LINGO2: variants seen among roughly 807,000 people sequenced by gnomAD.
The protein encoded by LINGO2 is leucine-rich repeat and immunoglobulin-like domain-containing nogo receptor-interacting protein 2.
LINGO2 carries 14 observed loss-of-function variants against 30.6 expected under a neutral mutation model. The observed-to-expected ratio is 0.46, with a 90% CI of 0.30 to 0.72. LINGO2 has a LOEUF of 0.72. Among genes scored for constraint, LINGO2 ranks in the 30% least tolerant of loss-of-function variants. The probability of loss-of-function intolerance (pLI) is 0.07; values close to 1 mark genes in which losing one functional copy is unlikely to be tolerated. For missense variants in LINGO2, 729 were observed against 751.7 expected (o/e 0.97, Z 0.35); for synonymous variants, 317 against 288.5 (o/e 1.10, Z -1.00).
chr9:28,002,644 A>G (rs767913606), intron 5 of LINGO2, among the ~76,000 whole-genome samples: 3 of 152,148 alleles, frequency 2.0e-5, no homozygotes, highest in Non-Finnish European at 2.9e-5. Context: ...AGACCCTTAA[A>G]CAAAGCCAAT....
chr9:28,036,962 G>C (rs1270010807), intron 4 of LINGO2, among the ~76,000 whole-genome samples: 1 of 152,184 alleles, frequency 6.6e-6, no homozygotes, highest in East Asian at 1.9e-4. Flanking sequence ...GGGTGTTTAA[G>C]TGAGACAAGT....
chr9:29,205,703 G>A, the LINGO2 span, among the ~76,000 whole-genome samples: 2 of 152,044 alleles, frequency 1.3e-5, no homozygotes, highest in African/African-American at 4.8e-5. Flanking sequence ...AAGATTTTTT[G>A]TTTTGTGTTT....
chr9:28,930,173 C>T, the LINGO2 span, among the ~76,000 whole-genome samples: 1 of 152,112 alleles, frequency 6.6e-6, no homozygotes, highest in African/African-American at 2.4e-5. This position sits in a 1 kb window ranked among gnomAD's most constrained non-coding sequence, Gnocchi z 4.2. Flanking sequence ...TGTTCTTTGC[C>T]TTGAGTGCAC....
chr9:28,021,614 A>G (rs1216539654), intron 4 of LINGO2, among the ~76,000 whole-genome samples: 2 of 152,098 alleles, frequency 1.3e-5, no homozygotes, highest in African/African-American at 2.4e-5. Flanking sequence ...AATAATAGTG[A>G]ATTGGTCCAT....
In LINGO2 at chr9:28,664,996, C is replaced by CATATATATATATATAT. The variant is rs10527878; in HGVS notation, c.-365+5188_-365+5203dup. Among the ~76,000 whole-genome samples the CATATATATATATATAT allele has an allele frequency of 7.3e-4, 70 of 96,248 alleles. 1 individual carries two copies. The highest frequency in any genetic ancestry group is 2.0e-3 in the East Asian group (5 of 2,558). 63.1% of individuals were successfully genotyped at this position (96,248 alleles called of 152,430 possible). On this transcript the variant is annotated intron_variant, in intron 1 of 5. Coordinates refer to ENST00000379992, the Ensembl canonical transcript of LINGO2. ...TCTGTATTATTTATGTATGTGTTTA[C>CATATATATATATATAT]ATATATATATATATATATATATATA...
intron 5 of LINGO2, among the ~76,000 whole-genome samples, chr9:28,008,338 G>T (rs369562758): frequency 6.6e-6 from 1 of 151,888 alleles, no homozygotes. Flanking sequence ...ATATAATATA[G>T]ATGATATCTA....
chr9:28,023,570 T>C (rs1017279781), intron 4 of LINGO2, among the ~76,000 whole-genome samples: 10 of 152,160 alleles, frequency 6.6e-5, no homozygotes, highest in South Asian at 4.1e-4. Flanking sequence ...GGTTATGACC[T>C]TACAAGTTTT....
chr9:29,209,925 C>T, the LINGO2 span, among the ~76,000 whole-genome samples: 1 of 151,958 alleles, frequency 6.6e-6, no homozygotes, highest in Non-Finnish European at 1.5e-5. Context: ...ACTGACAAAC[C>T]TCTTTGCATA....
At chr9:29,006,109 A>G in the LINGO2 span, among the ~76,000 whole-genome samples, 1 of 151,486 alleles carries the variant, frequency 6.6e-6, no homozygotes, top group South Asian at 2.1e-4. Flanking sequence ...ATATTTTTTC[A>G]TATCTAGTAT....
chr9:28,935,045 A>T, the LINGO2 span, among the ~76,000 whole-genome samples: 1 of 152,168 alleles, frequency 6.6e-6, no homozygotes, highest in African/African-American at 2.4e-5. Context: ...AATGATACTC[A>T]TCAATACTGG....
intron 5 of LINGO2, among the ~76,000 whole-genome samples, chr9:27,972,303 G>A (rs1419009974): frequency 6.6e-6 from 1 of 152,176 alleles, no homozygotes; most frequent in Non-Finnish European, 1.5e-5. Context: ...GCGTAAAGGA[G>A]TGAAAAATAG....
At chr9:28,181,185 T>A (rs1430852883) in intron 4 of LINGO2, among the ~76,000 whole-genome samples, 1 of 152,132 alleles carries the variant, frequency 6.6e-6, no homozygotes, top group African/African-American at 2.4e-5. Flanking sequence ...CACGTGCAGC[T>A]CTTACCACCA....
the LINGO2 span, among the ~76,000 whole-genome samples, chr9:28,786,087 C>T: frequency 6.6e-6 from 1 of 152,196 alleles, no homozygotes; most frequent in Non-Finnish European, 1.5e-5. Context: ...TGGATAATCA[C>T]ATTTCTCAAG....
chr9:28,516,713 C>T (rs766038210), intron 1 of LINGO2, among the ~76,000 whole-genome samples: 42 of 152,196 alleles, frequency 2.8e-4, no homozygotes, highest in Non-Finnish European at 5.0e-4. Context: ...GTGTTACTGA[C>T]ACTGTTGCTG....
the LINGO2 span, among the ~76,000 whole-genome samples, chr9:29,191,232 G>A: frequency 6.6e-6 from 1 of 151,996 alleles, no homozygotes; most frequent in Non-Finnish European, 1.5e-5. Context: ...TAATATAAGC[G>A]TATTCAGTCT....
the LINGO2 span, among the ~76,000 whole-genome samples, chr9:28,990,013 T>C: frequency 6.6e-6 from 1 of 152,112 alleles, no homozygotes; most frequent in Non-Finnish European, 1.5e-5. Flanking sequence ...AACGGGTTCA[T>C]CTCACTAGGG....
intron 3 of LINGO2, among the ~76,000 whole-genome samples, chr9:28,316,363 TA>T (rs1824847143): frequency 6.6e-6 from 1 of 152,118 alleles, no homozygotes; most frequent in Non-Finnish European, 1.5e-5. Flanking sequence ...ATGTTTTATG[TA>T]AAAATTGAAG....
intron 1 of LINGO2, among the ~76,000 whole-genome samples, chr9:28,626,878 G>A (rs13301190): frequency 0.099 from 14,988 of 150,640 alleles, 910 homozygotes; most frequent in East Asian, 0.19. Context: ...TTCATGCTTT[G>A]AAAAAAATAT....
At chr9:28,870,731 A>G in the LINGO2 span, among the ~76,000 whole-genome samples, 1 of 152,114 alleles carries the variant, frequency 6.6e-6, no homozygotes, top group South Asian at 2.1e-4. Flanking sequence ...AAAAGGACAT[A>G]AAACCATAGA....
Sources: allele counts gnomAD v4.1 joint callset (sites outside exome capture counted in the v4.1 genomes callset), GRCh38; gene constraint gnomAD v4.1.1; non-coding constraint Gnocchi (gnomAD v3.1); transcripts MANE v1.5; gene names NCBI Gene and HGNC (gene_info 2026-07-23, HGNC 2026-07-21).